LOC122513141: variants seen among roughly 807,000 people sequenced by gnomAD.
At chr9:137,217,751 G>A in the LOC122513141 span, 15 of 385,864 alleles carry the variant, frequency 3.9e-5, no homozygotes, top group Admixed American at 1.4e-4. Flanking sequence ...CCCTGTCGCC[G>A]CCCTGGGGTC....
chr9:137,218,793 CAG>C, the LOC122513141 span: 1 of 396,832 alleles, frequency 2.5e-6, no homozygotes, highest in Non-Finnish European at 4.4e-6. Context: ...CTGACCCTGC[CAG>C]AGTCCATGGC....
chr9:137,218,748 C>T, the LOC122513141 span: 4 of 397,270 alleles, frequency 1.0e-5, no homozygotes, highest in Non-Finnish European at 1.8e-5. Flanking sequence ...CAAGACCTCC[C>T]ATTGCTGAAC....
chr9:137,217,904 CTG>C, the LOC122513141 span: 1 of 398,268 alleles, frequency 2.5e-6, no homozygotes, highest in Non-Finnish European at 4.4e-6. Context: ...CCTGGACCCT[CTG>C]TGCCAAGCAC....
chr9:137,218,663 C>T, the LOC122513141 span: 1 of 398,486 alleles, frequency 2.5e-6, no homozygotes, highest in Admixed American at 4.4e-5. Context: ...CCCACGTCCC[C>T]ATGCCTGGGT....
the LOC122513141 span, chr9:137,218,839 G>A: frequency 2.6e-6 from 1 of 391,320 alleles, no homozygotes; most frequent in Middle Eastern, 6.4e-4. Context: ...TGAACCCAAG[G>A]ACACCAGCGC....
At chr9:137,218,683 C>T in the LOC122513141 span, 1 of 398,124 alleles carries the variant, frequency 2.5e-6, no homozygotes, top group Non-Finnish European at 4.4e-6. Context: ...TGCTGTGAGG[C>T]CTGATGACCA....
the LOC122513141 span, chr9:137,217,865 C>A: frequency 2.5e-6 from 1 of 398,178 alleles, no homozygotes; most frequent in South Asian, 1.4e-4. Context: ...GCCTGTCAGT[C>A]CACCTGGGTC....
chr9:137,218,714 G>A, the LOC122513141 span: 4 of 397,556 alleles, frequency 1.0e-5, no homozygotes, highest in African/African-American at 8.2e-5. Flanking sequence ...ACCCAAGGTT[G>A]GGTCCAGGGC....
At chr9:137,217,815 C>T in the LOC122513141 span, 5 of 397,542 alleles carry the variant, frequency 1.3e-5, no homozygotes, top group Admixed American at 4.4e-5. Context: ...GAACTGTGCC[C>T]TGGGGCCCCC....
chr9:137,218,192 G>A, the LOC122513141 span: 15 of 398,348 alleles, frequency 3.8e-5, no homozygotes, highest in African/African-American at 1.2e-4. Context: ...CTCCAGTGCC[G>A]ACCTGGGCCG....
the LOC122513141 span, chr9:137,218,079 C>A: frequency 1.5e-4 from 58 of 398,908 alleles, no homozygotes; most frequent in Non-Finnish European, 2.5e-4. Flanking sequence ...GAGGAGTGCC[C>A]GATCTGCACA....
the LOC122513141 span, chr9:137,218,187 G>C: frequency 1.0e-5 from 4 of 398,356 alleles, no homozygotes; most frequent in Non-Finnish European, 1.8e-5. Flanking sequence ...TCGGCCTCCA[G>C]TGCCGACCTG....
the LOC122513141 span, chr9:137,218,067 A>G: frequency 5.0e-6 from 2 of 399,284 alleles, no homozygotes. Context: ...CAGGGGGAAG[A>G]GGAGGAGTGC....
At chr9:137,217,602 C>T in the LOC122513141 span, 1,959 of 182,388 alleles carry the variant, frequency 0.011, 44 homozygotes, top group African/African-American at 0.042. Flanking sequence ...GGGACAGCAC[C>T]GCGTGGGCCC....
At chr9:137,218,048 G>A in the LOC122513141 span, 6 of 399,470 alleles carry the variant, frequency 1.5e-5, no homozygotes, top group Non-Finnish European at 2.6e-5. Flanking sequence ...GAGAGAGCAG[G>A]CAGCAGGGCA....
At chr9:137,218,307 G>A in the LOC122513141 span, 13 of 398,264 alleles carry the variant, frequency 3.3e-5, no homozygotes, top group East Asian at 7.1e-5. Context: ...CGCCAGCCCC[G>A]CCGAGAGGCC....
the LOC122513141 span, chr9:137,218,866 G>C: frequency 2.6e-6 from 1 of 380,432 alleles, no homozygotes; most frequent in Non-Finnish European, 4.7e-6. Flanking sequence ...ACAGCTCCTG[G>C]AGGAGGCCAG....
At chr9:137,218,139 A>G in the LOC122513141 span, 5 of 398,026 alleles carry the variant, frequency 1.3e-5, no homozygotes, top group East Asian at 7.1e-5. Flanking sequence ...AACTGTAGCC[A>G]CGGCCTGTGT....
the LOC122513141 span, chr9:137,218,622 C>T: frequency 3.3e-5 from 13 of 398,564 alleles, no homozygotes; most frequent in Admixed American, 2.2e-4. Context: ...AGGACAGCCC[C>T]GCCGCCAACA....
Sources: gnomAD v4.1 joint callset for allele counts on GRCh38, gnomAD v4.1.1 for gene constraint, MANE v1.5 for transcripts.